The following TMEM232 variants were observed in gnomAD, a reference collection of about 807,000 sequenced individuals.
TMEM232 encodes transmembrane protein 232.
A neutral mutation model predicts 78.8 loss-of-function variants in TMEM232; 80 were observed. That is an observed-to-expected ratio of 1.01 (90% CI 0.85 to 1.22). The LOEUF (loss-of-function observed/expected upper bound fraction) is 1.22. Among genes scored for constraint, TMEM232 ranks in the 50% most tolerant of loss-of-function variants. The pLI, the probability that TMEM232 is intolerant of heterozygous loss-of-function variation, is 0.00. For synonymous variants in TMEM232, 297 were observed against 254.3 expected (o/e 1.17, Z -1.60); for missense variants, 881 against 742.2 (o/e 1.19, Z -2.17).
intron 12 of TMEM232, among the ~76,000 whole-genome samples, chr5:110,448,418 T>A (rs1759899604): frequency 6.6e-6 from 1 of 152,036 alleles, no homozygotes; most frequent in Admixed American, 6.6e-5. Context: ...AGAGCAACAA[T>A]CTGTTATGTC....
chr5:110,517,276 GAGA>G (rs1326428404), intron 12 of TMEM232, among the ~76,000 whole-genome samples: 3 of 152,138 alleles, frequency 2.0e-5, no homozygotes, highest in Non-Finnish European at 2.9e-5. Context: ...GAAGCTGGAG[GAGA>G]AGAACTAACA....
intron 11 of TMEM232, among the ~76,000 whole-genome samples, chr5:110,531,159 C>T (rs950518882): frequency 1.3e-5 from 2 of 150,926 alleles, no homozygotes; most frequent in East Asian, 2.0e-4. Context: ...CTTCTGCCCG[C>T]CAGAGAACAA....
At chr5:110,620,139 T>A (rs1392003942) in intron 7 of TMEM232, among the ~76,000 whole-genome samples, 1 of 152,162 alleles carries the variant, frequency 6.6e-6, no homozygotes, top group Non-Finnish European at 1.5e-5. Flanking sequence ...CGAACAAGAT[T>A]TGAGTTTTAT....
chr5:110,474,009 G>A (rs752189969), intron 12 of TMEM232, among the ~76,000 whole-genome samples: 16 of 149,734 alleles, frequency 1.1e-4, no homozygotes, highest in Non-Finnish European at 2.4e-4. Context: ...GAGAAATGGG[G>A]AGAGGTTGAT....
rs145471841 is a variant in TMEM232 at position 110,475,588 on chromosome 5, C to G, written c.1704-50672G>C. On this transcript the variant is annotated intron_variant, in intron 12 of 13. Transcript: ENST00000455884. ...ACTAACCAGGGAAAACTGCCAATCT[C>G]CAAAGCTAGGAGAATCTAGATGGAG... is the stretch of plus-strand genomic sequence containing the variant. Among the ~76,000 whole-genome samples the G allele has an allele frequency of 1.6e-3, 230 of 140,742 alleles. 1 individual carries two copies. The highest frequency in any genetic ancestry group is 7.1e-3 in the African/African-American group (222 of 31,052). The allele number at this position is 140,742 out of a possible 152,430, so 92.3% of individuals were successfully genotyped here.
chr5:110,411,599 A>G (rs1755997893), intron 2 of TMEM232, among the ~76,000 whole-genome samples: 1 of 152,196 alleles, frequency 6.6e-6, no homozygotes, highest in Non-Finnish European at 1.5e-5. Context: ...ACAATTCTCC[A>G]TTTTTACCTC....
At chr5:110,546,532 ATAT>A (rs1435704632) in intron 11 of TMEM232, among the ~76,000 whole-genome samples, 3 of 152,126 alleles carry the variant, frequency 2.0e-5, no homozygotes, top group African/African-American at 7.2e-5. Context: ...GTAGGTAATA[ATAT>A]TATTGTATAA....
At chr5:110,640,290 G>T (rs1010066887) in intron 4 of TMEM232, among the ~76,000 whole-genome samples, 2 of 152,032 alleles carry the variant, frequency 1.3e-5, no homozygotes, top group East Asian at 3.9e-4. Flanking sequence ...TTTACATGGG[G>T]GAAATTCTCT....
At chr5:110,654,657 T>A (rs541858349) in intron 2 of TMEM232, among the ~76,000 whole-genome samples, 1 of 152,310 alleles carries the variant, frequency 6.6e-6, no homozygotes, top group East Asian at 1.9e-4. Context: ...ATATGAACTT[T>A]AAAGTAGTTT....
At chr5:110,392,687 G>T (rs1197320011) in intron 3 of TMEM232, among the ~76,000 whole-genome samples, 1 of 152,110 alleles carries the variant, frequency 6.6e-6, no homozygotes, top group Non-Finnish European at 1.5e-5. Flanking sequence ...CCTACTTCAT[G>T]ACCTCATATA....
chr5:110,586,426 T>C lies in TMEM232; in HGVS notation c.1277-17801A>G, dbSNP rs543939956. Among the ~76,000 whole-genome samples, 10 of 152,250 alleles carry C rather than the reference T, an allele frequency of 6.6e-5. No individual in the cohort carries two copies. In the East Asian group the frequency reaches 1.9e-3, roughly 29 times the overall value. The stretch of plus-strand genomic sequence containing the variant: ...ATTTATGAGAAATTTTTAGAACTTA[T>C]GTGTGGTTATGGTACTTAATAATCA... On this transcript the variant is annotated intron_variant, in intron 10 of 13. Transcript: ENST00000455884.
At chr5:110,511,449 AAAAAAG>A (rs565912973) in intron 12 of TMEM232, among the ~76,000 whole-genome samples, 137 of 152,200 alleles carry the variant, frequency 9.0e-4, no homozygotes, top group African/African-American at 3.1e-3. Context: ...TAATTTAAAA[AAAAAAG>A]AAAAAGAAAA....
intron 10 of TMEM232, among the ~76,000 whole-genome samples, chr5:110,578,645 T>C (rs1018739814): frequency 6.6e-6 from 1 of 151,900 alleles, no homozygotes; most frequent in African/African-American, 2.4e-5. Flanking sequence ...TTGAGGACTT[T>C]TATTAATTCT....
intron 1 of TMEM232, among the ~76,000 whole-genome samples, chr5:110,735,272 G>T (rs1286403345): frequency 6.6e-6 from 1 of 152,162 alleles, no homozygotes; most frequent in African/African-American, 2.4e-5. Context: ...GCCAACTCTT[G>T]AAAACTGTTG....
intron 12 of TMEM232, among the ~76,000 whole-genome samples, chr5:110,431,564 C>A (rs1473100627): frequency 6.6e-6 from 1 of 151,546 alleles, no homozygotes; most frequent in Non-Finnish European, 1.5e-5. Flanking sequence ...ATAAGGCATA[C>A]TGGGCAAATC....
Position 110,625,247 on chromosome 5 carries a change from C to T in TMEM232, c.768+20G>A. On this transcript the variant is annotated intron_variant, in intron 7 of 13. Coordinates refer to ENST00000455884, the MANE Select transcript of TMEM232 (RefSeq NM_001039763.4). ...GATGCATCAGGCAACAGGATATACC[C>T]ACCATACCAGATTACTCACCATATC... 1 of 1,503,516 alleles carries T rather than the reference C, an allele frequency of 6.7e-7. No homozygotes were observed. Among genetic ancestry groups the T allele is most frequent in the Non-Finnish European group, 8.9e-7 (1 of 1,123,348 alleles). 93.1% of individuals were successfully genotyped at this position (1,503,516 alleles called of 1,614,324 possible). A position where few individuals can be genotyped will look rare whatever the true frequency, so the allele number is the denominator to read the frequency against.
intron 12 of TMEM232, among the ~76,000 whole-genome samples, chr5:110,435,378 A>G (rs938002039): frequency 6.6e-6 from 1 of 151,754 alleles, no homozygotes; most frequent in African/African-American, 2.4e-5. Flanking sequence ...ATATACCTAT[A>G]TGGTACATGA....
At chr5:110,411,054 C>T (rs1365289730) in intron 2 of TMEM232, among the ~76,000 whole-genome samples, 1 of 152,144 alleles carries the variant, frequency 6.6e-6, no homozygotes, top group Non-Finnish European at 1.5e-5. Flanking sequence ...TGGACTCATG[C>T]AATCAGCCAC....
intron 11 of TMEM232, among the ~76,000 whole-genome samples, chr5:110,539,668 T>A (rs1020712948): frequency 2.6e-5 from 4 of 152,164 alleles, no homozygotes; most frequent in African/African-American, 9.7e-5. Context: ...ATCTAAGGGA[T>A]CTGCAATTGG....
Sources: gnomAD v4.1 joint callset for allele counts (sites outside exome capture counted in the v4.1 genomes callset) on GRCh38, gnomAD v4.1.1 for gene constraint, MANE v1.5 for transcripts, NCBI Gene and HGNC (gene_info 2026-07-23, HGNC 2026-07-21) for gene names.